Variants in SPTBN5 observed in about 807,000 individuals in gnomAD.
SPTBN5 encodes the protein spectrin beta, non-erythrocytic 5, also known as spectrin beta chain, non-erythrocytic 5.
Under a neutral mutation model 477.6 loss-of-function variants are expected in SPTBN5, and 513 were observed. The observed-to-expected ratio is 1.07, with a 90% CI of 1.00 to 1.16. The LOEUF (loss-of-function observed/expected upper bound fraction) is 1.16. SPTBN5 is among the 50% of genes most tolerant of loss of function. The pLI is 0.00. For missense variants in SPTBN5, 5,062 were observed against 4,731.8 expected, an observed-to-expected ratio of 1.07 and a Z score of -2.05; for synonymous variants, 2,169 against 2,011.7, an observed-to-expected ratio of 1.08 and a Z score of -2.09.
intron 3 of SPTBN5, among the ~76,000 whole-genome samples, chr15:41,891,770 G>A (rs376086587): frequency 7.8e-4 from 119 of 152,270 alleles, no homozygotes; most frequent in Middle Eastern, 3.4e-3. Flanking sequence ...CTCCATAAGC[G>A]AATGCATCCC....
At chr15:41,867,979 G>T in intron 34 of SPTBN5, 90 bp downstream of exon 34, 1 of 1,448,342 alleles carries the variant, frequency 6.9e-7, no homozygotes, top group South Asian at 1.4e-5. Flanking sequence ...GAAAAAGCCA[G>T]AGAGGCAGGA....
At chr15:41,868,043 G>A (rs1169992044) in intron 34 of SPTBN5, 26 bp downstream of exon 34, 1 of 1,583,932 alleles carries the variant, frequency 6.3e-7, no homozygotes, top group Non-Finnish European at 8.5e-7. Flanking sequence ...AGGCTGAGCG[G>A]AGTGTGAGGG....
chr15:41,888,604 G>A (rs1021126120), intron 4 of SPTBN5, among the ~76,000 whole-genome samples: 2 of 152,228 alleles, frequency 1.3e-5, no homozygotes, highest in African/African-American at 4.8e-5. Flanking sequence ...GGGACTACAT[G>A]GAGGCACCAC....
intron 3 of SPTBN5, among the ~76,000 whole-genome samples, chr15:41,892,018 T>G (rs1851430618): frequency 6.6e-6 from 1 of 152,166 alleles, no homozygotes; most frequent in Non-Finnish European, 1.5e-5. Context: ...CTGGATCAAC[T>G]AGGGCCCAGC....
At position 41,866,444 on chromosome 15, in the gene SPTBN5, G is replaced by C. The variant is rs2066316082; in HGVS notation, c.6530C>G (p.Pro2177Arg). The change falls in exon 37 of 68, where the codon CCT becomes CGT. Residue 2177 changes from proline (P) to arginine (R), a missense_variant. Coordinates refer to ENST00000320955, the MANE Select transcript of SPTBN5 (RefSeq NM_016642.4). ...AWAQQLKEPV[P>R]PGDLRDKLKP... ...CAGCTTATCTCTCAGGTCCCCAGGA[G>C]GGACCGGCTCCTTCAGCTGCTGGGC... is the stretch of plus-strand genomic sequence containing the variant. The C allele has an allele frequency of 4.4e-6, 7 of 1,604,408 alleles. No homozygotes were observed. The highest frequency in any genetic ancestry group is 6.0e-6 in the Non-Finnish European group (7 of 1,176,164).
At position 41,855,387 on chromosome 15, in the gene SPTBN5, TG is replaced by T; in HGVS notation, c.9259del (p.His3087ThrfsTer35). On this transcript the variant is annotated frameshift_variant, in exon 55 of 68. Transcript: ENST00000320955. LOFTEE classifies it high-confidence loss of function. ...CTCCGCCCTCCGCAGCAGCTCTGCGTGGGCCTCCCGAACTGCCTGCAGCTGG... is the reference window on the plus strand; with the variant it reads ...CTCCGCCCTCCGCAGCAGCTCTGCGTGGCCTCCCGAACTGCCTGCAGCTGG... ...LAQLQAVREAHAELLRRAEAR... is the reference protein window; with the variant it reads ...LAQLQAVREAXAELLRRAEAR... 6.2e-7 allele frequency: 1 copy of T among 1,604,712 alleles called. No individual in the cohort carries two copies. The highest frequency in any genetic ancestry group is 2.2e-5 in the East Asian group (1 of 44,860).
chr15:41,890,658 CTCT>C (rs1260682623), intron 3 of SPTBN5, among the ~76,000 whole-genome samples: 3 of 152,230 alleles, frequency 2.0e-5, no homozygotes, highest in Non-Finnish European at 4.4e-5. Flanking sequence ...AATCTCAGCC[CTCT>C]TCTTCTGTTC....
chr15:41,851,585 G>GGGGGT (rs1555459991), intron 63 of SPTBN5, among the ~76,000 whole-genome samples, 194 bp downstream of exon 63: 4 of 151,230 alleles, frequency 2.6e-5, no homozygotes, highest in African/African-American at 7.3e-5. Context: ...ACCTCCTGGT[G>GGGGGT]GGGGTGGGTA....
chr15:41,855,150 A>C (rs944695684), intron 55 of SPTBN5, 74 bp downstream of exon 55: 15 of 1,519,936 alleles, frequency 9.9e-6, no homozygotes, highest in Non-Finnish European at 1.2e-5. Flanking sequence ...ACTCCCCAGC[A>C]ACCCTTTCAT....
At chr15:41,874,248 G>C (rs374675499) in intron 24 of SPTBN5, 44 bp downstream of exon 24, 2 of 1,576,668 alleles carry the variant, frequency 1.3e-6, no homozygotes, top group Non-Finnish European at 1.7e-6. Context: ...CTAAGGTCTG[G>C]GAAGCGGATG....
intron 35 of SPTBN5, 65 bp from the exon 36 acceptor site, chr15:41,867,191 G>T: frequency 6.9e-7 from 1 of 1,452,180 alleles, no homozygotes; most frequent in South Asian, 1.4e-5. Context: ...GGCCTGCAGG[G>T]CTCACAGTCC....
At position 41,893,281 on chromosome 15, in the gene SPTBN5, C is replaced by G. The variant is rs1301780040; in HGVS notation, c.216+1G>C. On this transcript the variant is annotated splice_donor_variant, in intron 2 of 67. Transcript: ENST00000320955. LOFTEE classifies it high-confidence loss of function. ...TGTGGGTCACAGCTGGCTATACTCA[C>G]CTGGCCGCACTGGAAGACGTTATTG... The G allele has an allele frequency of 5.0e-6, 8 of 1,613,840 alleles. No homozygotes were observed. The Admixed American group carries it at 1.3e-4, about 27-fold the overall frequency.
Position 41,886,234 on chromosome 15 carries a change from T to C in SPTBN5, c.1021A>G (p.Met341Val). 2.5e-6 allele frequency: 4 copies of C among 1,613,124 alleles called. No individual in the cohort carries two copies. Among genetic ancestry groups the C allele is most frequent in the Non-Finnish European group, 2.5e-6 (3 of 1,179,890 alleles). ...ARDFPDSLPA[M>V]RQLLAAFTIF... ...GTGAATGCTGCCAGTAGCTGCCGCATGGCGGGCAGCGAGTCTGGAAAATCC... is the reference window on the plus strand; with the variant it reads ...GTGAATGCTGCCAGTAGCTGCCGCACGGCGGGCAGCGAGTCTGGAAAATCC... Residue 341 changes from methionine (M) to valine (V), a missense_variant, in exon 7 of 68, where the codon ATG (methionine) becomes GTG (valine). Physicochemically the swap from Met to Val is conservative, Grantham distance 21 (BLOSUM62 1). Transcript: ENST00000320955.
In SPTBN5 at chr15:41,887,212, C is replaced by T; in HGVS notation, c.888+1G>A. On this transcript the variant is annotated splice_donor_variant, in intron 6 of 67. Coordinates refer to ENST00000320955, the MANE Select transcript of SPTBN5 (RefSeq NM_016642.4). LOFTEE classifies it high-confidence loss of function. The stretch of plus-strand genomic sequence containing the variant: ...CACCCCACCCCTCCTTTCTCCCCCA[C>T]CTTAGTGAGTCTCCTCTGGACAGTC... The T allele has an allele frequency of 2.6e-6, 4 of 1,551,458 alleles. No homozygotes were observed. Among genetic ancestry groups the T allele is most frequent in the Non-Finnish European group, 3.5e-6 (4 of 1,146,908 alleles).
rs1340842380 is a variant in SPTBN5, at chr15:41,856,491, G to A, written c.8916C>T (p.Ala2972=). 24 of 1,597,640 alleles carry A rather than the reference G, an allele frequency of 1.5e-5. No individual in the cohort carries two copies. The highest frequency in any genetic ancestry group is 2.0e-5 in the Non-Finnish European group (23 of 1,173,390). Residue 2972 remains alanine (A), a synonymous_variant, in exon 53 of 68, where the codon GCC becomes GCT. Transcript: ENST00000320955. ...TGGCCTTCTCCAGCTGCTGCACCCG[G>A]GCGGCCACCTCGTGGGCGGCAAAGT... ...AGHFAAHEVA[A]RVQQLEKAMA... is the part of the protein sequence containing the mutation.
Position 41,887,219 on chromosome 15 carries a change from GA to G in SPTBN5, c.881del (p.Leu294ProfsTer131). On this transcript the variant is annotated frameshift_variant, in exon 6 of 68. Transcript: ENST00000320955. LOFTEE classifies it high-confidence loss of function. ...LHQGQTVQRR[L>X]TKILLQLQET... ...CCCCTCCTTTCTCCCCCACCTTAGT[GA>G]GTCTCCTCTGGACAGTCTGCCCCTG... 1.3e-6 allele frequency: 2 copies of G among 1,551,444 alleles called. No individual in the cohort carries two copies. The highest frequency in any genetic ancestry group is 1.7e-6 in the Non-Finnish European group (2 of 1,146,906).
chr15:41,883,267 G>T, intron 8 of SPTBN5, 39 bp from the exon 9 acceptor site: 2 of 1,604,242 alleles, frequency 1.2e-6, no homozygotes, highest in Admixed American at 1.7e-5. Flanking sequence ...GTCCCAAGGT[G>T]CTGGGTCCCT....
chr15:41,855,431 G>C lies in SPTBN5; in HGVS notation c.9219-3C>G, dbSNP rs1447585852. 6.2e-7 allele frequency: 1 copy of C among 1,601,180 alleles called. No individual in the cohort carries two copies. The highest frequency in any genetic ancestry group is 8.5e-7 in the Non-Finnish European group (1 of 1,174,870). On this transcript the variant is annotated splice_region_variant and splice_polypyrimidine_tract_variant and intron_variant, in intron 54 of 67. Transcript: ENST00000320955. ...GCAGCTGGGCTAGCACCTTGGGGCT[G>C]TGGGAAGAGAGCGACAGTCTGGACT...
rs1388735679 is a variant in SPTBN5, at chr15:41,849,733, GA to G, written c.11012+135del. Reference sequence around the variant, plus strand: ...CAGCTGAGAGTGGGCAGGGGCAGCTGAGGGTTCCAATAGCATTTCCCTACAG... The same window carrying G: ...CAGCTGAGAGTGGGCAGGGGCAGCTGGGGTTCCAATAGCATTTCCCTACAG... On this transcript the variant is annotated intron_variant, in intron 67 of 67. Coordinates refer to ENST00000320955, the MANE Select transcript of SPTBN5 (RefSeq NM_016642.4). The G allele has an allele frequency of 1.6e-5, 11 of 681,132 alleles. No homozygotes were observed. The African/African-American group carries it at 1.8e-4, about 11-fold the overall frequency. The allele number at this position is 681,132 out of a possible 1,614,324, so 42.2% of individuals were successfully genotyped here. A position where few individuals can be genotyped will look rare whatever the true frequency, so the allele number is the denominator to read the frequency against.
Sources: allele counts gnomAD v4.1 joint callset (sites outside exome capture counted in the v4.1 genomes callset), GRCh38; gene constraint gnomAD v4.1.1; transcripts MANE v1.5; gene names NCBI Gene and HGNC (gene_info 2026-07-23, HGNC 2026-07-21).